Variants in TSPAN5 observed in about 807,000 individuals in gnomAD.
The protein encoded by TSPAN5 is tetraspanin-5.
Under a neutral mutation model 37.1 loss-of-function variants are expected in TSPAN5, and 10 were observed. The ratio of observed to expected loss-of-function variants is 0.27; its 90% CI spans 0.17 to 0.46. The LOEUF is 0.46. Ranked by LOEUF, TSPAN5 falls within the 20% of genes least tolerant of loss-of-function variation. TSPAN5 has a pLI of 1.00. For synonymous variants in TSPAN5, 110 were observed against 118.9 expected (o/e 0.93, Z 0.48); for missense variants, 195 against 326.6 (o/e 0.60, Z 3.11).
chr4:98,516,688 T>C (rs1020995571), intron 1 of TSPAN5, among the ~76,000 whole-genome samples: 1 of 152,196 alleles, frequency 6.6e-6, no homozygotes, highest in African/African-American at 2.4e-5. Context: ...GTTTGGGTCA[T>C]GGGGGCAGAG....
At chr4:98,610,543 G>A (rs1756157704) in intron 1 of TSPAN5, among the ~76,000 whole-genome samples, 1 of 152,164 alleles carries the variant, frequency 6.6e-6, no homozygotes, top group Non-Finnish European at 1.5e-5. Flanking sequence ...GAGCAGGGCT[G>A]GCCCTGGCCA....
intron 1 of TSPAN5, among the ~76,000 whole-genome samples, chr4:98,570,498 C>G (rs1755095172): frequency 6.6e-6 from 1 of 152,068 alleles, no homozygotes; most frequent in Non-Finnish European, 1.5e-5. Context: ...TTTAAAAGAT[C>G]ACAAATGACA....
At chr4:98,517,137 G>A (rs1414361370) in intron 1 of TSPAN5, among the ~76,000 whole-genome samples, 1 of 152,204 alleles carries the variant, frequency 6.6e-6, no homozygotes, top group Non-Finnish European at 1.5e-5. Context: ...TACAAGATAT[G>A]CAAAACAGGC....
At chr4:98,635,366 TAGTA>T (rs1286323473) in intron 1 of TSPAN5, among the ~76,000 whole-genome samples, 2 of 152,274 alleles carry the variant, frequency 1.3e-5, no homozygotes, top group East Asian at 3.9e-4. Context: ...CTGGGCCTGA[TAGTA>T]CACCCTGTGG....
intron 2 of TSPAN5, among the ~76,000 whole-genome samples, chr4:98,487,239 A>AAAAAAAAG (rs1491418722): frequency 5.9e-5 from 1 of 16,846 alleles, no homozygotes; most frequent in Non-Finnish European, 1.3e-4. Flanking sequence ...ATATGTAGAG[A>AAAAAAAAG]AAAAAAAAAA....
At chr4:98,527,032 T>A (rs1422175821) in intron 1 of TSPAN5, among the ~76,000 whole-genome samples, 1 of 152,176 alleles carries the variant, frequency 6.6e-6, no homozygotes, top group Non-Finnish European at 1.5e-5. Context: ...TTTTGTACTG[T>A]TTTTTGCCTT....
At chr4:98,474,643 C>T (rs114405795) in intron 7 of TSPAN5, among the ~76,000 whole-genome samples, 15 of 151,996 alleles carry the variant, frequency 9.9e-5, no homozygotes, top group Admixed American at 5.9e-4. Context: ...CCACTGCACC[C>T]GGCCTTATTT....
intron 7 of TSPAN5, among the ~76,000 whole-genome samples, chr4:98,475,562 C>A (rs1399358101): frequency 6.6e-6 from 1 of 152,178 alleles, no homozygotes; most frequent in African/African-American, 2.4e-5. Flanking sequence ...TGCCACAATG[C>A]AGTATTTTTG....
At chr4:98,544,025 T>A (rs1305895154) in intron 1 of TSPAN5, among the ~76,000 whole-genome samples, 1 of 151,854 alleles carries the variant, frequency 6.6e-6, no homozygotes. Flanking sequence ...AAGAAATTTT[T>A]AAAAATTAGC....
chr4:98,550,858 A>T (rs1160665742), intron 1 of TSPAN5, among the ~76,000 whole-genome samples: 1 of 152,104 alleles, frequency 6.6e-6, no homozygotes, highest in Non-Finnish European at 1.5e-5. Context: ...TCCAATTTGG[A>T]TGTCTTTTAT....
chr4:98,569,903 C>A (rs1271104984), intron 1 of TSPAN5, among the ~76,000 whole-genome samples: 2 of 152,184 alleles, frequency 1.3e-5, no homozygotes, highest in Admixed American at 1.3e-4. Flanking sequence ...CCAGATATTA[C>A]TCTGCCTGTC....
chr4:98,632,283 C>T (rs564515107), intron 1 of TSPAN5, among the ~76,000 whole-genome samples: 12 of 151,868 alleles, frequency 7.9e-5, no homozygotes, highest in African/African-American at 2.9e-4. Context: ...GTATATGCTG[C>T]CAGAGTTTCA....
chr4:98,477,908 C>T (rs1752743598), intron 5 of TSPAN5, among the ~76,000 whole-genome samples: 1 of 152,046 alleles, frequency 6.6e-6, no homozygotes, highest in Non-Finnish European at 1.5e-5. Context: ...GATCCTCCCA[C>T]CTCAGCCTGC....
intron 1 of TSPAN5, among the ~76,000 whole-genome samples, chr4:98,605,553 C>T (rs1756013316): frequency 6.6e-6 from 1 of 152,116 alleles, no homozygotes; most frequent in African/African-American, 2.4e-5. Context: ...AGATGACAAG[C>T]ATACAATTTT....
chr4:98,643,513 T>C (rs1056702390), intron 1 of TSPAN5, among the ~76,000 whole-genome samples: 4 of 152,230 alleles, frequency 2.6e-5, no homozygotes, highest in African/African-American at 9.6e-5. Context: ...TACATATGTA[T>C]ATATTTCACA....
At chr4:98,653,252 C>T (rs975410564) in intron 1 of TSPAN5, among the ~76,000 whole-genome samples, 1 of 151,850 alleles carries the variant, frequency 6.6e-6, no homozygotes. Context: ...TACTTGATGC[C>T]CCCCCTCCCC....
chr4:98,586,953 G>A (rs1755501924), intron 1 of TSPAN5, among the ~76,000 whole-genome samples: 1 of 152,220 alleles, frequency 6.6e-6, no homozygotes, highest in Non-Finnish European at 1.5e-5. Context: ...AGCCAAAGTG[G>A]TCGTGCCCTG....
chr4:98,584,187 T>C (rs767381250), intron 1 of TSPAN5, among the ~76,000 whole-genome samples: 76 of 152,320 alleles, frequency 5.0e-4, no homozygotes, highest in Non-Finnish European at 7.8e-4. Flanking sequence ...AGGATCCTCC[T>C]GCCTCTGCCT....
chr4:98,489,466 C>G (rs968635566), intron 2 of TSPAN5, among the ~76,000 whole-genome samples: 6 of 152,184 alleles, frequency 3.9e-5, no homozygotes, highest in Non-Finnish European at 1.5e-5. Context: ...TGGGCAACCC[C>G]TTTGGGTCCC....
Sources: gnomAD v4.1 joint callset for allele counts (sites outside exome capture counted in the v4.1 genomes callset) on GRCh38, gnomAD v4.1.1 for gene constraint, MANE v1.5 for transcripts, NCBI Gene and HGNC (gene_info 2026-07-23, HGNC 2026-07-21) for gene names.